CNNM2: variants seen among roughly 807,000 people sequenced by gnomAD.
The protein encoded by CNNM2 is cyclin and CBS domain divalent metal cation transport mediator 2.
A neutral mutation model predicts 66.9 loss-of-function variants in CNNM2; 12 were observed. That is an observed-to-expected ratio of 0.18 (90% CI 0.11 to 0.29). CNNM2 has a LOEUF of 0.29. CNNM2 is among the 10% of genes least tolerant of loss of function. CNNM2 has a pLI of 1.00. For missense variants in CNNM2, 705 were observed against 1,167.7 expected, an observed-to-expected ratio of 0.60 and a Z score of 5.77; for synonymous variants, 557 against 501.8, an observed-to-expected ratio of 1.11 and a Z score of -1.47.
intron 1 of CNNM2, among the ~76,000 whole-genome samples, chr10:102,954,487 T>C (rs150070935): frequency 6.6e-6 from 1 of 152,318 alleles, no homozygotes; most frequent in African/African-American, 2.4e-5. Context: ...TGTAAGATGA[T>C]GAGGGACCTG....
chr10:102,924,868 A>T (rs1281286163), intron 1 of CNNM2, among the ~76,000 whole-genome samples: 2 of 152,210 alleles, frequency 1.3e-5, no homozygotes, highest in African/African-American at 2.4e-5. Context: ...GTGCAGTAAC[A>T]TACATTAAAT....
At chr10:103,003,985 ATTTTT>A (rs869152743) in intron 1 of CNNM2, among the ~76,000 whole-genome samples, 3 of 83,998 alleles carry the variant, frequency 3.6e-5, no homozygotes, top group African/African-American at 9.6e-5. Context: ...CATTGCATGA[ATTTTT>A]TTTTTTTTTT....
Position 103,082,994 on chromosome 10 carries a change from A to G in CNNM2, c.*5814A>G, listed in dbSNP as rs563370907. On this transcript the variant is annotated 3_prime_UTR_variant, in exon 8 of 8. Transcript: ENST00000369878. ...CATAATCCATCTTTCTGGATAATGG[A>G]AGCTGCCTGCCTATCTGGGCTCTTA... 1 of 152,148 alleles carries G rather than the reference A, an allele frequency of 6.6e-6. No individual in the cohort carries two copies. The highest frequency in any genetic ancestry group is 2.4e-5 in the African/African-American group (1 of 41,414). The allele number at this position is 152,148 out of a possible 1,614,324, so 9.4% of individuals were successfully genotyped here.
chr10:102,969,434 G>A (rs972294614), intron 1 of CNNM2, among the ~76,000 whole-genome samples: 3 of 149,350 alleles, frequency 2.0e-5, no homozygotes, highest in Non-Finnish European at 4.5e-5. Flanking sequence ...GGCTGGTCTC[G>A]AACTCGTGAC....
intron 1 of CNNM2, among the ~76,000 whole-genome samples, chr10:102,992,633 C>G (rs1305856293): frequency 6.6e-6 from 1 of 151,950 alleles, no homozygotes; most frequent in Non-Finnish European, 1.5e-5. Context: ...TAAAGGGGGA[C>G]TGGGAGGCTG....
intron 1 of CNNM2, among the ~76,000 whole-genome samples, chr10:102,950,981 CTTTTTTTTTTTTT>C (rs34870588): frequency 2.5e-5 from 2 of 80,460 alleles, no homozygotes; most frequent in African/African-American, 9.9e-5. Flanking sequence ...CTTTCTTTCT[CTTTTTTTTTTTTT>C]TTTTTTTTTT....
rs374674585 is a variant in CNNM2 at position 102,918,938 on chromosome 10, G to A, written c.458G>A (p.Arg153His). ...PDSGPQRCGI[R>H]TSDIIILPHI... The stretch of plus-strand genomic sequence containing the variant: ...AGCGGCCCCCAGCGATGCGGCATCC[G>A]CACCTCAGACATCATCATCTTGCCC... The change falls in exon 1 of 8, where the codon CGC becomes CAC. Residue 153 changes from arginine (R) to histidine (H), a missense_variant. Arg to His is a conservative substitution (Grantham distance 29). Transcript: ENST00000369878. The surrounding 1 kb of genome is among the most constrained non-coding windows in gnomAD (Gnocchi z 4.1). 3 of 1,612,048 alleles carry A rather than the reference G, an allele frequency of 1.9e-6. No individual in the cohort carries two copies. Among genetic ancestry groups the A allele is most frequent in the Non-Finnish European group, 2.5e-6 (3 of 1,179,376 alleles).
chr10:103,077,220 G>C lies in CNNM2; in HGVS notation c.*40G>C, dbSNP rs750936813. 6.3e-6 allele frequency: 10 copies of C among 1,579,520 alleles called. No homozygotes were observed. Among genetic ancestry groups the C allele is most frequent in the Non-Finnish European group, 8.7e-6 (10 of 1,156,036 alleles). ...ACCCGCCCAGGCCCGCACCCGCCCA[G>C]TCCCGAGGGCCCGGCCCTGTCTGCC... On this transcript the variant is annotated 3_prime_UTR_variant, in exon 8 of 8. Coordinates refer to ENST00000369878, the MANE Select transcript of CNNM2 (RefSeq NM_017649.5).
chr10:103,065,186 T>G (rs999490783), intron 4 of CNNM2, among the ~76,000 whole-genome samples: 4 of 152,338 alleles, frequency 2.6e-5, no homozygotes, highest in Middle Eastern at 3.4e-3. Context: ...AGGGAGTCCC[T>G]TGAGAGGCCA....
intron 1 of CNNM2, among the ~76,000 whole-genome samples, chr10:102,934,413 T>C (rs542801000): frequency 6.6e-6 from 1 of 151,698 alleles, no homozygotes; most frequent in Non-Finnish European, 1.5e-5. Context: ...CCCAAGTAGC[T>C]GGGACTACAG....
rs934577075 is a variant in CNNM2 at position 103,018,843 on chromosome 10, G to A, written c.1622-30864G>A. 1.1e-4 allele frequency among the ~76,000 whole-genome samples: 17 copies of A among 151,144 alleles called. 1 individual carries two copies. Among genetic ancestry groups the A allele is most frequent in the East Asian group, 7.8e-4 (4 of 5,138 alleles). On this transcript the variant is annotated intron_variant, in intron 1 of 7. Coordinates refer to ENST00000369878, the MANE Select transcript of CNNM2 (RefSeq NM_017649.5). Reference sequence around the variant, plus strand: ...CCTCCTAATTTTTGTATTTTTAGTAGAGGTCGGGTTTCACCATGTTGGCCA... The same window carrying A: ...CCTCCTAATTTTTGTATTTTTAGTAAAGGTCGGGTTTCACCATGTTGGCCA...
intron 1 of CNNM2, among the ~76,000 whole-genome samples, chr10:103,022,709 C>T (rs191699214): frequency 6.6e-6 from 1 of 152,186 alleles, no homozygotes; most frequent in East Asian, 1.9e-4. Context: ...TAAAGGAGTA[C>T]CTGAGACTGG....
chr10:102,928,171 T>C (rs1845940571), intron 1 of CNNM2, among the ~76,000 whole-genome samples: 1 of 152,264 alleles, frequency 6.6e-6, no homozygotes, highest in South Asian at 2.1e-4. Context: ...TTTCTAACAG[T>C]ACCTGGCACT....
At chr10:103,002,745 C>T (rs2064146144) in intron 1 of CNNM2, among the ~76,000 whole-genome samples, 1 of 152,130 alleles carries the variant, frequency 6.6e-6, no homozygotes, top group Admixed American at 6.5e-5. Context: ...TCCCAAAGTG[C>T]AGGGATTACA....
intron 1 of CNNM2, among the ~76,000 whole-genome samples, chr10:103,017,688 G>C (rs1216528939): frequency 1.3e-5 from 2 of 152,076 alleles, no homozygotes; most frequent in Non-Finnish European, 2.9e-5. Context: ...AAGCCAGGCT[G>C]GGCACAGTGA....
intron 1 of CNNM2, among the ~76,000 whole-genome samples, chr10:102,983,538 A>G (rs1201793495): frequency 1.3e-5 from 2 of 151,776 alleles, no homozygotes; most frequent in Non-Finnish European, 2.9e-5. Context: ...TCCCAGGCTC[A>G]AGTGATCCTC....
intron 1 of CNNM2, among the ~76,000 whole-genome samples, chr10:103,042,161 C>G (rs2065052131): frequency 6.6e-6 from 1 of 152,208 alleles, no homozygotes; most frequent in Non-Finnish European, 1.5e-5. Flanking sequence ...CAGCCTGACT[C>G]TCTCATTCTC....
chr10:103,038,609 A>AT (rs1418634415), intron 1 of CNNM2, among the ~76,000 whole-genome samples: 2 of 152,154 alleles, frequency 1.3e-5, no homozygotes, highest in Non-Finnish European at 1.5e-5. Context: ...AAAATGTTAG[A>AT]TTTTTTTAAA....
chr10:103,038,514 C>T (rs1276723034), intron 1 of CNNM2, among the ~76,000 whole-genome samples: 3 of 152,196 alleles, frequency 2.0e-5, no homozygotes, highest in Non-Finnish European at 2.9e-5. Context: ...AGAGCAGCAG[C>T]AACACTGTCA....
Sources: gnomAD v4.1 joint callset for allele counts (sites outside exome capture counted in the v4.1 genomes callset) on GRCh38, gnomAD v4.1.1 for gene constraint, Gnocchi (gnomAD v3.1) non-coding constraint, MANE v1.5 for transcripts, NCBI Gene and HGNC (gene_info 2026-07-23, HGNC 2026-07-21) for gene names.